Variants in DEUP1 observed in about 807,000 individuals in gnomAD.
DEUP1 encodes the protein deuterosome assembly protein 1.
In DEUP1, 82 loss-of-function variants were observed where a neutral mutation model predicts 87.4. That is an observed-to-expected ratio of 0.94 (90% CI 0.78 to 1.13). The LOEUF (loss-of-function observed/expected upper bound fraction) is 1.13, where lower values mean the gene tolerates loss of function less well. Ranked by LOEUF, DEUP1 falls within the 50% of genes most tolerant of loss-of-function variation. The probability of loss-of-function intolerance (pLI) is 0.00; values close to 1 mark genes in which losing one functional copy is unlikely to be tolerated. For synonymous variants in DEUP1, 214 were observed against 222.7 expected, an observed-to-expected ratio of 0.96 and a Z score of 0.35; for missense variants, 663 against 681.5, an observed-to-expected ratio of 0.97 and a Z score of 0.30.
intron 12 of DEUP1, among the ~76,000 whole-genome samples, chr11:93,409,846 A>C (rs539986258): frequency 3.9e-5 from 6 of 152,204 alleles, no homozygotes; most frequent in Non-Finnish European, 8.8e-5. Flanking sequence ...AACCATTATT[A>C]CTAACAAAAT....
At chr11:93,420,383 C>A (rs891370858) in intron 13 of DEUP1, among the ~76,000 whole-genome samples, 57 of 152,162 alleles carry the variant, frequency 3.7e-4, no homozygotes, top group Non-Finnish European at 3.2e-4. Flanking sequence ...GCTAAAAACT[C>A]AATAAATTAG....
intron 2 of DEUP1, among the ~76,000 whole-genome samples, chr11:93,342,530 C>T (rs1173083334): frequency 6.6e-6 from 1 of 152,168 alleles, no homozygotes; most frequent in African/African-American, 2.4e-5. Context: ...GTGTAGGGTA[C>T]CCACAATATC....
rs146996180 is a variant in DEUP1, at chr11:93,347,398, C to T, written c.30-7973C>T. On this transcript the variant is annotated intron_variant, in intron 2 of 13. Coordinates refer to ENST00000298050, the MANE Select transcript of DEUP1 (RefSeq NM_181645.4). ...GAGCGTGGTGGATAAGTTTTTGATG[C>T]GCTGCTGGATTCCATTTGCCAGTAT... Among the ~76,000 whole-genome samples the T allele has an allele frequency of 2.2e-3, 335 of 152,190 alleles. 2 individuals carry two copies. The South Asian group carries it at 0.023, about 11-fold the overall frequency.
At chr11:93,377,033 C>T (rs1946073765) in intron 7 of DEUP1, among the ~76,000 whole-genome samples, 1 of 152,068 alleles carries the variant, frequency 6.6e-6, no homozygotes, top group Admixed American at 6.5e-5. Context: ...TGTTTTGTAG[C>T]CTATCTTATG....
chr11:93,412,282 C>T (rs1242010890), intron 12 of DEUP1, among the ~76,000 whole-genome samples: 1 of 152,140 alleles, frequency 6.6e-6, no homozygotes, highest in African/African-American at 2.4e-5. Context: ...GGTGAAATCA[C>T]GCAGCAGCCT....
chr11:93,370,675 T>TC (rs1945670251), intron 6 of DEUP1, among the ~76,000 whole-genome samples: 2 of 152,224 alleles, frequency 1.3e-5, no homozygotes, highest in Admixed American at 1.3e-4. Context: ...TGACAACTTT[T>TC]CCCCTACAAT....
chr11:93,436,692 G>A (rs1591286278), intron 13 of DEUP1, among the ~76,000 whole-genome samples: 1 of 152,016 alleles, frequency 6.6e-6, no homozygotes, highest in Non-Finnish European at 1.5e-5. Context: ...ACAGATTGTC[G>A]ACTCCCCAAA....
At chr11:93,358,504 T>A (rs1475849678) in intron 4 of DEUP1, among the ~76,000 whole-genome samples, 2 of 152,158 alleles carry the variant, frequency 1.3e-5, no homozygotes, top group East Asian at 1.9e-4. Context: ...CCATAAGAAG[T>A]CCTGCCTTAA....
intron 4 of DEUP1, among the ~76,000 whole-genome samples, chr11:93,358,306 G>A (rs541949754): frequency 2.6e-4 from 40 of 152,186 alleles, no homozygotes; most frequent in African/African-American, 6.3e-4. Context: ...ATGCTTTGCC[G>A]CTCTATTTTA....
At chr11:93,366,868 C>T (rs1465086140) in intron 5 of DEUP1, among the ~76,000 whole-genome samples, 2 of 152,080 alleles carry the variant, frequency 1.3e-5, no homozygotes, top group African/African-American at 4.8e-5. Context: ...CAATCTTGCC[C>T]AAAATTTGAC....
chr11:93,403,177 AT>A (rs1422435892), intron 11 of DEUP1, among the ~76,000 whole-genome samples: 1 of 151,892 alleles, frequency 6.6e-6, no homozygotes, highest in Non-Finnish European at 1.5e-5. Flanking sequence ...TATAAATGAG[AT>A]TTGTATATGG....
intron 11 of DEUP1, among the ~76,000 whole-genome samples, chr11:93,405,905 G>C (rs1230216252): frequency 6.6e-6 from 1 of 151,730 alleles, no homozygotes; most frequent in Non-Finnish European, 1.5e-5. Flanking sequence ...TTTTACTCAG[G>C]TTATTTTTGT....
intron 12 of DEUP1, among the ~76,000 whole-genome samples, chr11:93,414,203 G>C (rs1947531792): frequency 6.6e-6 from 1 of 152,134 alleles, no homozygotes; most frequent in Non-Finnish European, 1.5e-5. Context: ...AAAATCTATA[G>C]AAATTAGAGT....
At chr11:93,377,997 T>C (rs1407100355) in intron 7 of DEUP1, among the ~76,000 whole-genome samples, 1 of 152,176 alleles carries the variant, frequency 6.6e-6, no homozygotes, top group East Asian at 1.9e-4. Context: ...GGTTTTTTTT[T>C]TAATAGGTTA....
chr11:93,382,600 T>C (rs1591190597), intron 7 of DEUP1, among the ~76,000 whole-genome samples: 1 of 152,210 alleles, frequency 6.6e-6, no homozygotes, highest in Non-Finnish European at 1.5e-5. Context: ...CTATATTTTA[T>C]AGGCCTAAGG....
intron 5 of DEUP1, among the ~76,000 whole-genome samples, chr11:93,367,473 T>C (rs552075496): frequency 2.0e-5 from 3 of 152,304 alleles, no homozygotes; most frequent in African/African-American, 7.2e-5. Context: ...TGATATATTG[T>C]GGGAAATAGC....
chr11:93,349,777 G>C (rs1334717044), intron 2 of DEUP1, among the ~76,000 whole-genome samples: 1 of 152,062 alleles, frequency 6.6e-6, no homozygotes, highest in African/African-American at 2.4e-5. Context: ...AAAAATATTT[G>C]TGGAAATAAA....
intron 13 of DEUP1, among the ~76,000 whole-genome samples, chr11:93,415,762 T>A (rs1156814879): frequency 1.3e-5 from 2 of 152,058 alleles, no homozygotes; most frequent in East Asian, 3.9e-4. Context: ...CTTCTTTTTC[T>A]CAACCTTGTT....
intron 7 of DEUP1, among the ~76,000 whole-genome samples, chr11:93,373,623 ACG>A (rs1491382062): frequency 0.55 from 58,841 of 106,710 alleles, 13,283 homozygotes; most frequent in Admixed American, 0.68. Flanking sequence ...GTATATATAT[ACG>A]TATATATATA....
Sources: gnomAD v4.1 joint callset for allele counts (sites outside exome capture counted in the v4.1 genomes callset) on GRCh38, gnomAD v4.1.1 for gene constraint, MANE v1.5 for transcripts, NCBI Gene and HGNC (gene_info 2026-07-23, HGNC 2026-07-21) for gene names.